The following SMURF1 variants were observed in gnomAD, a reference collection of about 807,000 sequenced individuals.
The protein encoded by SMURF1 is SMAD specific E3 ubiquitin protein ligase 1.
In SMURF1, 44 loss-of-function variants were observed where a neutral mutation model predicts 98.0. The ratio of observed to expected loss-of-function variants is 0.45; its 90% CI spans 0.35 to 0.58. The LOEUF is 0.58. Among genes scored for constraint, SMURF1 ranks in the 20% least tolerant of loss-of-function variants. The pLI, the probability that SMURF1 is intolerant of heterozygous loss-of-function variation, is 0.00. For missense variants in SMURF1, 687 were observed against 938.4 expected (o/e 0.73, Z 3.50); for synonymous variants, 396 against 374.9 (o/e 1.06, Z -0.65).
At chr7:99,102,822 GGTTTTTTT>G (rs1409808950) in intron 1 of SMURF1, among the ~76,000 whole-genome samples, 2 of 151,746 alleles carry the variant, frequency 1.3e-5, no homozygotes, top group Non-Finnish European at 2.9e-5. Flanking sequence ...GCATTTTTTT[GGTTTTTTT>G]GTTTTTTTGT....
intron 1 of SMURF1, 105 bp from the exon 2 acceptor site, chr7:99,061,942 C>A: frequency 1.2e-6 from 1 of 828,198 alleles, no homozygotes. Flanking sequence ...ATTAGCTTTG[C>A]CGAAGATTTG....
intron 1 of SMURF1, chr7:99,120,634 A>AC (rs1299099186): frequency 6.6e-6 from 1 of 151,986 alleles, no homozygotes; most frequent in Non-Finnish European, 1.5e-5. Context: ...AAAAAAAAAA[A>AC]AAACAAACCT....
intron 1 of SMURF1, among the ~76,000 whole-genome samples, chr7:99,142,106 G>A (rs1798131775): frequency 1.3e-5 from 2 of 152,222 alleles, no homozygotes; most frequent in Non-Finnish European, 2.9e-5. Flanking sequence ...AACCTCTGGA[G>A]CCCGGGGGGA....
chr7:99,126,972 G>GC (rs1324472144), intron 1 of SMURF1, among the ~76,000 whole-genome samples: 2 of 5,802 alleles, frequency 3.4e-4, no homozygotes, highest in Non-Finnish European at 4.4e-3. Context: ...CTGAGCAGGG[G>GC]CCGGGGGGAA....
At chr7:99,054,980 T>A in intron 5 of SMURF1, 115 bp from the exon 6 acceptor site, 2 of 853,830 alleles carry the variant, frequency 2.3e-6, no homozygotes, top group Non-Finnish European at 3.9e-6. Context: ...ACGAGGCATA[T>A]GTGTATGCAT....
At chr7:99,037,037 C>T (rs777186844) in intron 15 of SMURF1, 30 bp downstream of exon 15, 18 of 1,612,678 alleles carry the variant, frequency 1.1e-5, no homozygotes, top group Middle Eastern at 3.9e-4. Flanking sequence ...CAGGGACGCC[C>T]TGGGTCGACT....
chr7:99,096,696 T>G (rs969514127), intron 1 of SMURF1, among the ~76,000 whole-genome samples: 2 of 151,898 alleles, frequency 1.3e-5, no homozygotes, highest in African/African-American at 4.8e-5. Context: ...AAGAGGCAAA[T>G]CTAAAATTAC....
chr7:99,058,650 A>G (rs1303518646), intron 3 of SMURF1, among the ~76,000 whole-genome samples: 4 of 152,234 alleles, frequency 2.6e-5, no homozygotes, highest in African/African-American at 9.6e-5. Context: ...CCTCAGTGTC[A>G]CTGAAACTGA....
intron 3 of SMURF1, among the ~76,000 whole-genome samples, chr7:99,057,781 A>T (rs1363208447): frequency 6.6e-6 from 1 of 152,046 alleles, no homozygotes. Flanking sequence ...TATTTTTAGT[A>T]GAGATGGGGT....
rs1795411422 is a variant in SMURF1, at chr7:99,042,209, T to C, written c.1280A>G (p.His427Arg). 2.5e-6 allele frequency: 4 copies of C among 1,613,840 alleles called. No homozygotes were observed. Among genetic ancestry groups the C allele is most frequent in the Non-Finnish European group, 3.4e-6 (4 of 1,179,928 alleles). The change falls in exon 12 of 18, where the codon CAT becomes CGT. Residue 427 changes from histidine to arginine, a missense_variant. His to Arg is a conservative substitution (Grantham distance 29). Around this residue, in one of 2 missense-constraint regions of SMURF1, gnomAD observed 272 missense variants for 430.0 expected, o/e 0.63. Coordinates refer to ENST00000361368, the MANE Select transcript of SMURF1 (RefSeq NM_181349.3). ...CCCGTAATAAGGATTCAGCATTTCATGGCACAGCAAGTAAAGCCACTCCCT... is the reference window on the plus strand; with the variant it reads ...CCCGTAATAAGGATTCAGCATTTCACGGCACAGCAAGTAAAGCCACTCCCT... ...VAREWLYLLC[H>R]EMLNPYYGLF...
intron 3 of SMURF1, among the ~76,000 whole-genome samples, chr7:99,059,406 ATAAAATAAAATAAAATAAAATAAAAT>A (rs1563010542): frequency 2.2e-5 from 2 of 90,460 alleles, no homozygotes; most frequent in Non-Finnish European, 2.2e-5. Flanking sequence ...TCAAAAAAAA[ATAAAATAAAATAAAATAAAATAAAAT>A]AAAATAAAAT....
At chr7:99,121,159 C>T (rs1797608170) in intron 1 of SMURF1, 1 of 146,730 alleles carries the variant, frequency 6.8e-6, no homozygotes, top group Admixed American at 7.0e-5. Context: ...TTCTGTTTCC[C>T]CAACACCCTG....
At chr7:99,045,474 G>A (rs960424493) in intron 11 of SMURF1, 25 of 503,286 alleles carry the variant, frequency 5.0e-5, no homozygotes, top group Middle Eastern at 5.0e-4. Context: ...TGACAATCAC[G>A]GATATTCTGG....
intron 6 of SMURF1, among the ~76,000 whole-genome samples, chr7:99,053,747 T>A (rs1237652097): frequency 6.6e-6 from 1 of 152,204 alleles, no homozygotes; most frequent in Non-Finnish European, 1.5e-5. Flanking sequence ...TTTTGTGATG[T>A]TGTTAGCAAT....
In SMURF1 at chr7:99,039,474, T is replaced by C. The variant is rs2150506150; in HGVS notation, c.1550+904A>G. Among the ~76,000 whole-genome samples the C allele has an allele frequency of 2.6e-5, 4 of 152,136 alleles. 1 individual carries two copies. In the South Asian group the frequency reaches 6.2e-4, roughly 24 times the overall value. ...AATTTTCCTGCCTCAGCCTCCTGAG[T>C]AGCTGGGATTACAGGCATGTGCCAC... On this transcript the variant is annotated intron_variant, in intron 13 of 17. Transcript: ENST00000361368.
rs372017321 is a variant in SMURF1 at position 99,060,276 on chromosome 7, G to A, written c.203+323C>T. Among the ~76,000 whole-genome samples the A allele has an allele frequency of 4.1e-3, 615 of 151,606 alleles. 2 individuals carry two copies. Among genetic ancestry groups the A allele is most frequent in the African/African-American group, 0.013 (541 of 41,334 alleles). On this transcript the variant is annotated intron_variant, in intron 3 of 17. Transcript: ENST00000361368. ...TGTCCATAATCCCAGCTACTTGGGA[G>A]GCTGAGGTAGGAGAATCACTTGTAC...
intron 1 of SMURF1, among the ~76,000 whole-genome samples, chr7:99,099,336 T>G (rs1797023487): frequency 6.6e-6 from 1 of 151,746 alleles, no homozygotes; most frequent in African/African-American, 2.4e-5. Context: ...CGAGGGAGGT[T>G]TTACATTGCT....
intron 3 of SMURF1, 39 bp downstream of exon 3, chr7:99,060,560 C>T: frequency 6.8e-7 from 1 of 1,465,634 alleles, no homozygotes; most frequent in Non-Finnish European, 9.5e-7. Context: ...ACCTGCTTTC[C>T]TGCCGCTCCG....
chr7:99,039,159 A>T (rs563175451), intron 13 of SMURF1, among the ~76,000 whole-genome samples: 105 of 133,464 alleles, frequency 7.9e-4, no homozygotes, highest in African/African-American at 2.9e-3. Context: ...GAGCCACTGC[A>T]CTCGAGCCTG....
Sources: allele counts gnomAD v4.1 joint callset (sites outside exome capture counted in the v4.1 genomes callset), GRCh38; gene constraint gnomAD v4.1.1; regional missense constraint gnomAD v4.1.1; transcripts MANE v1.5; gene names NCBI Gene and HGNC (gene_info 2026-07-23, HGNC 2026-07-21).